Variants in LINGO1 observed in about 807,000 individuals in gnomAD.
LINGO1 encodes the protein leucine rich repeat and Ig domain containing 1.
Under a neutral mutation model 37.3 loss-of-function variants are expected in LINGO1, and 11 were observed. The observed-to-expected ratio is 0.29, with a 90% CI of 0.19 to 0.49. The LOEUF (loss-of-function observed/expected upper bound fraction) is 0.49, where lower values mean the gene tolerates loss of function less well. Ranked by LOEUF, LINGO1 falls within the 20% of genes least tolerant of loss-of-function variation. LINGO1 has a pLI of 0.99. For synonymous variants in LINGO1, 387 were observed against 403.0 expected, an observed-to-expected ratio of 0.96 and a Z score of 0.48; for missense variants, 585 against 878.2, an observed-to-expected ratio of 0.67 and a Z score of 4.22.
intron 2 of LINGO1, among the ~76,000 whole-genome samples, chr15:77,681,754 G>A (rs1228526566): frequency 1.3e-5 from 2 of 152,128 alleles, no homozygotes; most frequent in Non-Finnish European, 2.9e-5. Flanking sequence ...TGAGGGGACA[G>A]GTGGAGGGAG....
chr15:77,800,380 ACGAGAGACAGAGGC>A (rs2076908225), intron 1 of LINGO1, among the ~76,000 whole-genome samples: 1 of 152,232 alleles, frequency 6.6e-6, no homozygotes, highest in South Asian at 2.1e-4. Flanking sequence ...GGCAGAGCAT[ACGAGAGACAGAGGC>A]TCTGAGAGAG....
chr15:77,711,886 G>GT (rs1406082879), intron 2 of LINGO1, among the ~76,000 whole-genome samples: 6 of 150,748 alleles, frequency 4.0e-5, no homozygotes, highest in Non-Finnish European at 5.9e-5. Context: ...TCCTCTGAGG[G>GT]GGGGGCACAC....
chr15:77,695,135 A>G (rs1336882346), intron 1 of LINGO1, among the ~76,000 whole-genome samples: 1 of 152,174 alleles, frequency 6.6e-6, no homozygotes, highest in Non-Finnish European at 1.5e-5. Context: ...AATTGAAAAT[A>G]TTAAATGGAA....
chr15:77,758,589 C>G (rs148248450), intron 1 of LINGO1, among the ~76,000 whole-genome samples: 13 of 152,264 alleles, frequency 8.5e-5, no homozygotes, highest in Non-Finnish European at 2.9e-5. Context: ...AGGAGGACAG[C>G]CAAGCCTCGT....
chr15:77,774,147 T>C (rs1001297722), intron 1 of LINGO1, among the ~76,000 whole-genome samples: 6 of 152,088 alleles, frequency 3.9e-5, no homozygotes, highest in African/African-American at 9.7e-5. Flanking sequence ...GAGAGCCCTA[T>C]ACCTCTCCCA....
chr15:77,685,691 T>TAA (rs74752846), intron 2 of LINGO1, among the ~76,000 whole-genome samples: 32,412 of 137,428 alleles, frequency 0.24, 3,748 homozygotes, highest in East Asian at 0.28. Flanking sequence ...GACCCCGTCT[T>TAA]AAAAAAAAAA....
chr15:77,737,568 C>T (rs1243794318), intron 1 of LINGO1, among the ~76,000 whole-genome samples: 2 of 152,136 alleles, frequency 1.3e-5, no homozygotes, highest in African/African-American at 4.8e-5. Flanking sequence ...GCTATCTCTA[C>T]TGTCTCCACC....
At chr15:77,711,763 G>A (rs993721621) in intron 2 of LINGO1, among the ~76,000 whole-genome samples, 54 of 152,154 alleles carry the variant, frequency 3.5e-4, no homozygotes, top group African/African-American at 4.8e-4. Context: ...GGCAACAGGC[G>A]GCTCTGGAAT....
intron 2 of LINGO1, among the ~76,000 whole-genome samples, chr15:77,683,130 G>C (rs2141232140): frequency 6.6e-6 from 1 of 152,356 alleles, no homozygotes; most frequent in South Asian, 2.1e-4. Flanking sequence ...TGCACGAAAA[G>C]ATGCTCAGCC....
intron 3 of LINGO1, among the ~76,000 whole-genome samples, chr15:77,668,828 C>CACAG (rs2075193183): frequency 6.6e-6 from 1 of 151,606 alleles, no homozygotes; most frequent in Non-Finnish European, 1.5e-5. Context: ...CACACACACA[C>CACAG]ACACACACAG....
At chr15:77,796,610 C>T (rs1010600268) in intron 1 of LINGO1, among the ~76,000 whole-genome samples, 1 of 152,182 alleles carries the variant, frequency 6.6e-6, no homozygotes, top group African/African-American at 2.4e-5. Context: ...AGGCTGACCC[C>T]GAGAGGGGAT....
intron 1 of LINGO1, among the ~76,000 whole-genome samples, chr15:77,798,316 A>G (rs1417795645): frequency 3.3e-5 from 5 of 152,204 alleles, no homozygotes; most frequent in Non-Finnish European, 7.4e-5. Flanking sequence ...AGTCAGGCCC[A>G]GGCCAACCCG....
intron 3 of LINGO1, chr15:77,652,388 T>A (rs1265851146): frequency 1.3e-5 from 2 of 152,150 alleles, no homozygotes; most frequent in South Asian, 2.1e-4. Flanking sequence ...TCCAGGGACA[T>A]CCCTTCTCTG....
At chr15:77,673,754 C>T (rs1057193164) in intron 3 of LINGO1, among the ~76,000 whole-genome samples, 1 of 152,112 alleles carries the variant, frequency 6.6e-6, no homozygotes, top group African/African-American at 2.4e-5. Flanking sequence ...CCAGACCTGT[C>T]CCCTGGACTC....
At chr15:77,702,570 G>A (rs1040512186) in intron 2 of LINGO1, among the ~76,000 whole-genome samples, 11 of 152,162 alleles carry the variant, frequency 7.2e-5, no homozygotes, top group Admixed American at 4.6e-4. Context: ...CAATGAGACC[G>A]TGATGCAGGT....
At chr15:77,620,713 C>A (rs1006519425) in intron 1 of LINGO1, among the ~76,000 whole-genome samples, 1 of 152,250 alleles carries the variant, frequency 6.6e-6, no homozygotes, top group African/African-American at 2.4e-5. Flanking sequence ...AGACCCAAAA[C>A]TGCAGTTTCA....
At chr15:77,700,073 G>C (rs2075763034), upstream of LINGO1, among the ~76,000 whole-genome samples, 1 of 152,184 alleles carries the variant, frequency 6.6e-6, no homozygotes, top group Non-Finnish European at 1.5e-5. Flanking sequence ...AGGGTTTCAG[G>C]AGGTGGCTGG....
At chr15:77,644,482 T>G (rs1394583567) in intron 3 of LINGO1, among the ~76,000 whole-genome samples, 1 of 152,214 alleles carries the variant, frequency 6.6e-6, no homozygotes, top group Non-Finnish European at 1.5e-5. Context: ...TCTACCTGCT[T>G]CTTCTGAGCC....
chr15:77,677,946 G>T (rs966593626), intron 2 of LINGO1, among the ~76,000 whole-genome samples: 4 of 152,146 alleles, frequency 2.6e-5, no homozygotes, highest in Non-Finnish European at 5.9e-5. Context: ...ACAGGGCACT[G>T]CCCAACCCAG....
Sources: allele counts gnomAD v4.1 joint callset (sites outside exome capture counted in the v4.1 genomes callset), GRCh38; gene constraint gnomAD v4.1.1; transcripts MANE v1.5; gene names NCBI Gene and HGNC (gene_info 2026-07-23, HGNC 2026-07-21).